Variants in MEIS1 observed in about 807,000 individuals in gnomAD.
The protein encoded by MEIS1 is Meis homeobox 1, also known as homeobox protein Meis1.
A neutral mutation model predicts 50.8 loss-of-function variants in MEIS1; 5 were observed. That is an observed-to-expected ratio of 0.10 (90% confidence interval 0.05 to 0.21). MEIS1 has a LOEUF of 0.21. MEIS1 is among the 10% of genes least tolerant of loss of function. MEIS1 has a pLI of 1.00. For missense variants in MEIS1, 318 were observed against 517.3 expected (o/e 0.61, Z 3.74); for synonymous variants, 176 against 179.3 (o/e 0.98, Z 0.15).
chr2:66,442,448 G>T (rs1449538523), intron 5 of MEIS1, among the ~76,000 whole-genome samples: 1 of 151,830 alleles, frequency 6.6e-6, no homozygotes, highest in African/African-American at 2.4e-5. Context: ...GACTTGGGTT[G>T]TCAGGCATTT....
chr2:66,553,570 G>C (rs1674979009), intron 9 of MEIS1, among the ~76,000 whole-genome samples: 1 of 152,236 alleles, frequency 6.6e-6, no homozygotes, highest in Non-Finnish European at 1.5e-5. Context: ...GCGCCAGACA[G>C]GCAGGGTATT....
chr2:66,554,907 C>T (rs1675016941), intron 9 of MEIS1, among the ~76,000 whole-genome samples: 2 of 152,122 alleles, frequency 1.3e-5, no homozygotes, highest in Non-Finnish European at 2.9e-5. Context: ...TATCACAAGA[C>T]ATGAAAAAGA....
At chr2:66,541,708 A>T (rs1452350418) in intron 8 of MEIS1, among the ~76,000 whole-genome samples, 1 of 152,114 alleles carries the variant, frequency 6.6e-6, no homozygotes. Context: ...AAATCCTATG[A>T]CTCTACTGAT....
At chr2:66,520,472 C>T (rs1265431974) in intron 8 of MEIS1, among the ~76,000 whole-genome samples, 1 of 150,684 alleles carries the variant, frequency 6.6e-6, no homozygotes, top group Admixed American at 6.6e-5. Context: ...CAGAGAAAGA[C>T]TCCGTCTCAA....
At position 66,567,608 on chromosome 2, in the gene MEIS1, G is replaced by GT. The variant is rs759638952; in HGVS notation, c.1024+98dup. 5 of 1,091,088 alleles carry GT rather than the reference G, an allele frequency of 4.6e-6. No homozygotes were observed. In the East Asian group the frequency reaches 1.0e-4, roughly 22 times the overall value. The allele number at this position is 1,091,088 out of a possible 1,614,324, so 67.6% of individuals were successfully genotyped here. A position where few individuals can be genotyped will look rare whatever the true frequency, so the allele number is the denominator to read the frequency against. ...CCGCTACCTGGTAAATAAACTGGGA[G>GT]TGAGTATAGGAACGCCTGGCAATTA... is the stretch of plus-strand genomic sequence containing the variant. On this transcript the variant is annotated intron_variant, in intron 10 of 12. Transcript: ENST00000272369.
At chr2:66,543,436 T>C (rs141852372) in intron 8 of MEIS1, among the ~76,000 whole-genome samples, 2 of 152,312 alleles carry the variant, frequency 1.3e-5, no homozygotes, top group East Asian at 1.9e-4. Flanking sequence ...TCATGAGTTA[T>C]TCCCTTTCGC....
intron 6 of MEIS1, 78 bp downstream of exon 6, chr2:66,443,126 T>C (rs1672039725): frequency 4.9e-6 from 7 of 1,439,530 alleles, no homozygotes; most frequent in Non-Finnish European, 5.6e-6. Context: ...CACTACCACC[T>C]CCTTTTATTA....
chr2:66,539,097 C>T (rs922285492), intron 8 of MEIS1, among the ~76,000 whole-genome samples: 13 of 152,122 alleles, frequency 8.5e-5, no homozygotes, highest in East Asian at 3.9e-4. Flanking sequence ...CTGTGTTAGC[C>T]GGGATGATCT....
chr2:66,441,317 T>C (rs748589847), intron 4 of MEIS1, 97 bp from the exon 5 acceptor site: 5 of 1,002,000 alleles, frequency 5.0e-6, no homozygotes, highest in Non-Finnish European at 7.2e-6. Flanking sequence ...TAACTCTATT[T>C]ACTGGTGGGA....
At chr2:66,465,630 G>A (rs948056004) in intron 7 of MEIS1, among the ~76,000 whole-genome samples, 4 of 152,266 alleles carry the variant, frequency 2.6e-5, no homozygotes, top group South Asian at 2.1e-4. Flanking sequence ...ACATGGGGTC[G>A]CAGCCTAGTG....
rs191553791 is a variant in MEIS1 at position 66,451,212 on chromosome 2, T to G, written c.630+8164T>G. 4.8e-3 allele frequency among the ~76,000 whole-genome samples: 727 copies of G among 152,268 alleles called. 5 individuals are homozygous for G. The highest frequency in any genetic ancestry group is 0.016 in the African/African-American group (666 of 41,566). On this transcript the variant is annotated intron_variant, in intron 6 of 12. Transcript: ENST00000272369. The stretch of plus-strand genomic sequence containing the variant: ...GTATAAAGATTAATATTAGCCCCTT[T>G]GTGTTCTTCCTCTAAAAGCCTAAAT...
chr2:66,464,624 A>G (rs1193341890), intron 7 of MEIS1, among the ~76,000 whole-genome samples: 1 of 152,214 alleles, frequency 6.6e-6, no homozygotes, highest in African/African-American at 2.4e-5. Flanking sequence ...GGATGCTTAT[A>G]AGGCTGTGAG....
At chr2:66,453,175 G>A (rs1672313121) in intron 6 of MEIS1, among the ~76,000 whole-genome samples, 1 of 151,882 alleles carries the variant, frequency 6.6e-6, no homozygotes, top group Non-Finnish European at 1.5e-5. Flanking sequence ...TATTTATTGA[G>A]GGCATGTAAA....
chr2:66,448,242 CAT>C (rs1286817105), intron 6 of MEIS1, among the ~76,000 whole-genome samples: 3 of 152,084 alleles, frequency 2.0e-5, no homozygotes, highest in Non-Finnish European at 2.9e-5. Flanking sequence ...AATTTTAAAT[CAT>C]TATGTTTTCA....
At chr2:66,517,269 A>G (rs1324491640) in intron 8 of MEIS1, among the ~76,000 whole-genome samples, 2 of 152,192 alleles carry the variant, frequency 1.3e-5, no homozygotes, top group African/African-American at 4.8e-5. Flanking sequence ...AACTAGTCCT[A>G]ATCTACCTTA....
chr2:66,493,600 T>C (rs2103812136), intron 7 of MEIS1, among the ~76,000 whole-genome samples: 1 of 152,322 alleles, frequency 6.6e-6, no homozygotes, highest in Non-Finnish European at 1.5e-5. Context: ...TTGTAATTAC[T>C]CTTCCTATAT....
At chr2:66,567,776 C>A in intron 10 of MEIS1, 1 of 583,254 alleles carries the variant, frequency 1.7e-6, no homozygotes, top group Non-Finnish European at 3.0e-6. Flanking sequence ...TGTACACATT[C>A]AATATATTAA....
At chr2:66,489,840 T>C (rs1673231663) in intron 7 of MEIS1, among the ~76,000 whole-genome samples, 1 of 152,254 alleles carries the variant, frequency 6.6e-6, no homozygotes, top group Admixed American at 6.5e-5. Context: ...AGATGAAATC[T>C]GCTAAATTTA....
In MEIS1 at chr2:66,571,279, G is replaced by T. The variant is rs781575239; in HGVS notation, c.*71G>T. On this transcript the variant is annotated 3_prime_UTR_variant, in exon 13 of 13. Coordinates refer to ENST00000272369, the MANE Select transcript of MEIS1 (RefSeq NM_002398.3). ...AGTATGCCAGGGGAGTATGTAGCCC[G>T]GGGTGGTCCAATGGGTGTGAGTATG... 1 of 1,595,186 alleles carries T rather than the reference G, an allele frequency of 6.3e-7. No individual in the cohort carries two copies. The highest frequency in any genetic ancestry group is 8.5e-7 in the Non-Finnish European group (1 of 1,170,784).
Sources: gnomAD v4.1 joint callset for allele counts (sites outside exome capture counted in the v4.1 genomes callset) on GRCh38, gnomAD v4.1.1 for gene constraint, MANE v1.5 for transcripts, NCBI Gene and HGNC (gene_info 2026-07-23, HGNC 2026-07-21) for gene names.